Variants in DPH6 observed in about 807,000 individuals in gnomAD.
DPH6 encodes the protein diphthamine biosynthesis 6.
A neutral mutation model predicts 38.2 loss-of-function variants in DPH6; 33 were observed. The observed-to-expected ratio is 0.86, with a 90% CI of 0.65 to 1.15. The LOEUF is 1.15. DPH6 is among the 50% of genes most tolerant of loss of function. The pLI, the probability that DPH6 is intolerant of heterozygous loss-of-function variation, is 0.00. For missense variants in DPH6, 325 were observed against 320.0 expected (o/e 1.02, Z -0.12); for synonymous variants, 108 against 103.0 (o/e 1.05, Z -0.30).
chr15:35,441,891 A>C (rs2053793732), intron 5 of DPH6, among the ~76,000 whole-genome samples: 1 of 152,232 alleles, frequency 6.6e-6, no homozygotes, highest in Non-Finnish European at 1.5e-5. Flanking sequence ...CAGAACCAGG[A>C]AATCACATAT....
Position 35,218,060 on chromosome 15 carries a change from T to C in DPH6, n.2723A>G, listed in dbSNP as rs2140382300. 2.0e-5 allele frequency: 3 copies of C among 152,308 alleles called. 1 individual carries two copies. Among genetic ancestry groups the C allele is most frequent in the Admixed American group, 2.0e-4 (3 of 15,292 alleles). The allele number at this position is 152,308 out of a possible 1,614,324, so 9.4% of individuals were successfully genotyped here. A position where few individuals can be genotyped will look rare whatever the true frequency, so the allele number is the denominator to read the frequency against. On this transcript the variant is annotated non_coding_transcript_exon_variant, in exon 4 of 4. Coordinates refer to the DPH6 transcript ENST00000560386. ...CTTGGTACAGACACAACATTTTTTTTCAAATATTTTCAGTCCTCGGTTGAA... is the reference window on the plus strand; with the variant it reads ...CTTGGTACAGACACAACATTTTTTTCCAAATATTTTCAGTCCTCGGTTGAA...
the DPH6 span, among the ~76,000 whole-genome samples, chr15:35,149,791 G>A: frequency 2.0e-5 from 3 of 152,206 alleles, no homozygotes; most frequent in Admixed American, 2.0e-4. Flanking sequence ...GCCAGGCATT[G>A]TGCTAAAGAA....
At chr15:35,534,484 A>G (rs1330327107) in intron 3 of DPH6, among the ~76,000 whole-genome samples, 1 of 152,132 alleles carries the variant, frequency 6.6e-6, no homozygotes, top group Non-Finnish European at 1.5e-5. Flanking sequence ...ACATCTATAG[A>G]AAGAAAAATA....
intron 5 of DPH6, among the ~76,000 whole-genome samples, chr15:35,424,968 C>A (rs2053550205): frequency 6.6e-6 from 1 of 151,562 alleles, no homozygotes; most frequent in South Asian, 2.1e-4. Flanking sequence ...CTCCTTCAGA[C>A]CCTGTGTTGT....
chr15:35,381,803 T>C lies in DPH6; in HGVS notation c.662+19A>G. The C allele has an allele frequency of 1.3e-6, 2 of 1,588,958 alleles. No individual in the cohort carries two copies. The highest frequency in any genetic ancestry group is 2.7e-5 in the African/African-American group (2 of 74,278). ...TTAAATTTATGGGAAAAAAAGAAAATGCTGAAATGATATCTTACACAATTA... is the reference window on the plus strand; with the variant it reads ...TTAAATTTATGGGAAAAAAAGAAAACGCTGAAATGATATCTTACACAATTA... On this transcript the variant is annotated intron_variant, in intron 7 of 8. Transcript: ENST00000256538.
intron 3 of DPH6, among the ~76,000 whole-genome samples, chr15:35,254,538 A>G (rs1342419613): frequency 6.6e-6 from 1 of 152,230 alleles, no homozygotes. Context: ...TGAAGTGATC[A>G]TTACTTTAAT....
the DPH6 span, among the ~76,000 whole-genome samples, chr15:35,150,155 AT>A: frequency 6.6e-6 from 1 of 152,208 alleles, no homozygotes; most frequent in Non-Finnish European, 1.5e-5. Flanking sequence ...AGTTGGAAAG[AT>A]TTTTGCAAAT....
chr15:35,239,912 C>G (rs1239810697), intron 3 of DPH6, among the ~76,000 whole-genome samples: 5 of 141,658 alleles, frequency 3.5e-5, no homozygotes, highest in African/African-American at 1.3e-4. Flanking sequence ...GCGCCCTAAC[C>G]TCTTATCTCT....
intron 3 of DPH6, among the ~76,000 whole-genome samples, chr15:35,335,833 G>C (rs2052367282): frequency 6.6e-6 from 1 of 152,150 alleles, no homozygotes; most frequent in African/African-American, 2.4e-5. Flanking sequence ...CTCCAGCTTT[G>C]TTCTTTTTGC....
At chr15:35,301,158 T>C (rs2052052192) in intron 3 of DPH6, among the ~76,000 whole-genome samples, 1 of 152,220 alleles carries the variant, frequency 6.6e-6, no homozygotes, top group Admixed American at 6.5e-5. Context: ...TTTAAAACCG[T>C]ATGTATTACT....
At chr15:35,359,278 G>C (rs1174752924) in intron 3 of DPH6, among the ~76,000 whole-genome samples, 1 of 152,092 alleles carries the variant, frequency 6.6e-6, no homozygotes, top group Non-Finnish European at 1.5e-5. Flanking sequence ...GAGCAATACA[G>C]GCTTGAAAAT....
intron 6 of DPH6, among the ~76,000 whole-genome samples, chr15:35,402,047 C>G (rs557849854): frequency 6.6e-6 from 1 of 152,162 alleles, no homozygotes; most frequent in East Asian, 1.9e-4. Flanking sequence ...TTTTTGTGCC[C>G]ATGCTGTTGA....
intron 6 of DPH6, among the ~76,000 whole-genome samples, chr15:35,383,264 T>TA (rs2140942112): frequency 6.6e-6 from 1 of 152,344 alleles, no homozygotes; most frequent in Admixed American, 6.5e-5. Flanking sequence ...TAAAATAATG[T>TA]AAGCTGCTAT....
chr15:35,164,451 T>G, the DPH6 span, among the ~76,000 whole-genome samples: 1 of 151,816 alleles, frequency 6.6e-6, no homozygotes, highest in African/African-American at 2.4e-5. Context: ...ACTATGAAAC[T>G]TGGCAAAATC....
intron 6 of DPH6, chr15:35,401,304 T>C: frequency 1.2e-6 from 1 of 831,194 alleles, no homozygotes; most frequent in South Asian, 1.3e-5. Flanking sequence ...ACTTTGGTAG[T>C]GGAGGAAACT....
chr15:35,184,588 T>C, the DPH6 span, among the ~76,000 whole-genome samples: 1 of 152,166 alleles, frequency 6.6e-6, no homozygotes, highest in Non-Finnish European at 1.5e-5. Flanking sequence ...ATTGATTGCT[T>C]TGAATTCCTT....
intron 3 of DPH6, among the ~76,000 whole-genome samples, chr15:35,341,493 C>G (rs1243905055): frequency 1.3e-5 from 2 of 152,154 alleles, no homozygotes; most frequent in Non-Finnish European, 2.9e-5. Context: ...TCTTTCTCAT[C>G]TTTGTGGGCT....
chr15:35,372,221 G>C lies in DPH6; in HGVS notation c.751-18C>G. 1 of 1,479,502 alleles carries C rather than the reference G, an allele frequency of 6.8e-7. No homozygotes were observed. The highest frequency in any genetic ancestry group is 1.4e-5 in the African/African-American group (1 of 69,266). 91.6% of individuals were successfully genotyped at this position (1,479,502 alleles called of 1,614,324 possible). A position where few individuals can be genotyped will look rare whatever the true frequency, so the allele number is the denominator to read the frequency against. On this transcript the variant is annotated intron_variant, in intron 8 of 8. Coordinates refer to ENST00000256538, the MANE Select transcript of DPH6 (RefSeq NM_080650.4). ...GAGGACACCTAAAAAAAAAAGGGAA[G>C]GAAAGGGAAGGAAAATGCACCATAT...
chr15:35,151,473 T>C, the DPH6 span, among the ~76,000 whole-genome samples: 2 of 152,264 alleles, frequency 1.3e-5, no homozygotes, highest in African/African-American at 4.8e-5. Context: ...TGTTTAACAC[T>C]GATGAGAAAT....
Sources: gnomAD v4.1 joint callset for allele counts (sites outside exome capture counted in the v4.1 genomes callset) on GRCh38, gnomAD v4.1.1 for gene constraint, MANE v1.5 for transcripts, NCBI Gene and HGNC (gene_info 2026-07-23, HGNC 2026-07-21) for gene names.